Variants in CHEK2 observed in about 807,000 individuals in gnomAD.
The protein encoded by CHEK2 is serine/threonine-protein kinase Chk2.
In CHEK2, 71 loss-of-function variants were observed where a neutral mutation model predicts 69.1. The observed-to-expected ratio is 1.03, with a 90% CI of 0.85 to 1.25. The LOEUF (loss-of-function observed/expected upper bound fraction) is 1.25. Ranked by LOEUF, CHEK2 falls within the 50% of genes most tolerant of loss-of-function variation. CHEK2 has a pLI of 0.00. For synonymous variants in CHEK2, 189 were observed against 226.9 expected (o/e 0.83, Z 1.50); for missense variants, 664 against 649.6 (o/e 1.02, Z -0.24).
intron 1 of CHEK2, among the ~76,000 whole-genome samples, chr22:28,739,966 G>A (rs1254646397): frequency 6.6e-6 from 1 of 152,154 alleles, no homozygotes; most frequent in Admixed American, 6.6e-5. Context: ...ACTTTGGGAG[G>A]CCAAGGCGGG....
At chr22:28,739,475 G>A (rs1366332294) in intron 1 of CHEK2, among the ~76,000 whole-genome samples, 1 of 151,462 alleles carries the variant, frequency 6.6e-6, no homozygotes, top group African/African-American at 2.4e-5. Flanking sequence ...AGATCACTTG[G>A]GGTCAGGAGT....
intron 1 of CHEK2, among the ~76,000 whole-genome samples, chr22:28,741,117 T>G (rs1314955488): frequency 3.3e-5 from 4 of 120,776 alleles, no homozygotes; most frequent in Non-Finnish European, 6.3e-5. Context: ...GCCACTGCAC[T>G]CCAGCCTGGC....
intron 4 of CHEK2, among the ~76,000 whole-genome samples, chr22:28,723,547 G>C (rs1227453416): frequency 7.0e-6 from 1 of 142,220 alleles, no homozygotes; most frequent in Non-Finnish European, 1.5e-5. Context: ...GCAGTGAGCC[G>C]AGATCGCGCC....
At chr22:28,737,474 CTTTTTTT>C (rs543703620) in intron 1 of CHEK2, among the ~76,000 whole-genome samples, 55 of 137,348 alleles carry the variant, frequency 4.0e-4, no homozygotes, top group South Asian at 7.0e-4. Flanking sequence ...CTGATTATTT[CTTTTTTT>C]TTTTTTTTTT....
chr22:28,709,909 C>T (rs1272337806), intron 7 of CHEK2, 97 bp downstream of exon 7: 1 of 736,524 alleles, frequency 1.4e-6, no homozygotes, highest in Admixed American at 2.3e-5. Flanking sequence ...AGCCACCACA[C>T]CTGGCCAATA....
rs17881230 is a variant in CHEK2, at chr22:28,704,375, C to T, written c.847-809G>A. 1.3e-4 allele frequency among the ~76,000 whole-genome samples: 20 copies of T among 151,556 alleles called. No homozygotes were observed. The South Asian group carries it at 4.2e-3, about 32-fold the overall frequency. On this transcript the variant is annotated intron_variant, in intron 7 of 14. Transcript: ENST00000404276. Reference sequence around the variant, plus strand: ...TGAGACAGAGTCTCACTTTGTCGCTCAGGCTTAAGTGCAGTGGCATGATCT... The same window carrying T: ...TGAGACAGAGTCTCACTTTGTCGCTTAGGCTTAAGTGCAGTGGCATGATCT...
At chr22:28,691,465 C>A (rs561892818) in intron 13 of CHEK2, among the ~76,000 whole-genome samples, 107 of 152,352 alleles carry the variant, frequency 7.0e-4, no homozygotes, top group African/African-American at 2.4e-3. Context: ...TAGACAAAAG[C>A]AAGACTCCAT....
intron 2 of CHEK2, among the ~76,000 whole-genome samples, chr22:28,731,308 A>C (rs2054207586): frequency 6.6e-6 from 1 of 152,174 alleles, no homozygotes; most frequent in Admixed American, 6.6e-5. Context: ...AATAATAATA[A>C]ACAGCCTCGG....
At chr22:28,740,504 C>T (rs1183406112) in intron 1 of CHEK2, among the ~76,000 whole-genome samples, 1 of 152,250 alleles carries the variant, frequency 6.6e-6, no homozygotes, top group Non-Finnish European at 1.5e-5. Context: ...CCCTTTTCTC[C>T]GAATGTTAAA....
intron 7 of CHEK2, among the ~76,000 whole-genome samples, chr22:28,705,413 A>G (rs532688941): frequency 6.6e-6 from 1 of 152,146 alleles, no homozygotes; most frequent in Non-Finnish European, 1.5e-5. Context: ...CACTCAAAGG[A>G]AATACTCATT....
chr22:28,720,874 T>C (rs986804491), intron 4 of CHEK2, among the ~76,000 whole-genome samples: 21 of 152,236 alleles, frequency 1.4e-4, no homozygotes, highest in Non-Finnish European at 1.0e-4. Context: ...CAAACGCCAT[T>C]GTCCACACAA....
At chr22:28,702,233 A>T (rs1482449403) in intron 8 of CHEK2, among the ~76,000 whole-genome samples, 19 of 128,246 alleles carry the variant, frequency 1.5e-4, no homozygotes, top group East Asian at 2.2e-4. Flanking sequence ...TTCTTTCTCT[A>T]TTTTTTTTTT....
At chr22:28,688,211 T>G (rs2052199445) in intron 14 of CHEK2, among the ~76,000 whole-genome samples, 1 of 152,192 alleles carries the variant, frequency 6.6e-6, no homozygotes, top group Non-Finnish European at 1.5e-5. Flanking sequence ...TTCTGACCTC[T>G]GAACGATGTA....
In CHEK2 at chr22:28,712,009, C is replaced by A. The variant is rs1555921335; in HGVS notation, c.692G>T (p.Cys231Phe). 3.1e-6 allele frequency: 5 copies of A among 1,611,156 alleles called. No individual in the cohort carries two copies. The highest frequency in any genetic ancestry group is 4.2e-6 in the Non-Finnish European group (5 of 1,178,206). Reference protein sequence around the residue: ...IMSKTLGSGACGEVKLAFERK... With the variant: ...IMSKTLGSGAFGEVKLAFERK... The stretch of plus-strand genomic sequence containing the variant: ...CTCGAAAGCCAGCTTTACCTCTCCA[C>A]AGGCACCACTAGAGGGAAAAACAAA... Residue 231 changes from cysteine (C) to phenylalanine (F), a missense_variant, in exon 6 of 15, where the codon TGT becomes TTT. Transcript: ENST00000404276.
At chr22:28,721,726 T>C (rs897441443) in intron 4 of CHEK2, 16 of 380,042 alleles carry the variant, frequency 4.2e-5, no homozygotes, top group Non-Finnish European at 8.2e-5. Flanking sequence ...ATGTTGTACA[T>C]GATAAATACA....
intron 8 of CHEK2, among the ~76,000 whole-genome samples, chr22:28,703,280 G>A (rs1186970720): frequency 6.6e-6 from 1 of 152,168 alleles, no homozygotes; most frequent in African/African-American, 2.4e-5. Flanking sequence ...TTCAAGTCCT[G>A]ATCATAGATC....
At chr22:28,713,951 G>A (rs1601790841) in intron 5 of CHEK2, among the ~76,000 whole-genome samples, 1 of 152,186 alleles carries the variant, frequency 6.6e-6, no homozygotes, top group Non-Finnish European at 1.5e-5. Context: ...AAAGTGCTGG[G>A]ATTAGAGGCG....
intron 7 of CHEK2, chr22:28,709,053 C>A: frequency 2.9e-6 from 1 of 342,988 alleles, no homozygotes; most frequent in South Asian, 2.2e-5. Context: ...ATGCCATTGC[C>A]TAATGAGCTT....
intron 6 of CHEK2, among the ~76,000 whole-genome samples, chr22:28,710,702 C>T (rs1290984965): frequency 6.6e-6 from 1 of 152,138 alleles, no homozygotes; most frequent in Admixed American, 6.5e-5. Context: ...ACACCCTCCA[C>T]AAGCAAAGAG....
Sources: gnomAD v4.1 joint callset for allele counts (sites outside exome capture counted in the v4.1 genomes callset) on GRCh38, gnomAD v4.1.1 for gene constraint, MANE v1.5 for transcripts, NCBI Gene and HGNC (gene_info 2026-07-23, HGNC 2026-07-21) for gene names.